ARHGEF40: variants seen among roughly 807,000 people sequenced by gnomAD.
ARHGEF40 encodes the protein Rho guanine nucleotide exchange factor (GEF) 40.
Under a neutral mutation model 165.9 loss-of-function variants are expected in ARHGEF40, and 98 were observed. The observed-to-expected ratio is 0.59, with a 90% CI of 0.50 to 0.70. The LOEUF (loss-of-function observed/expected upper bound fraction) is 0.70. Among genes scored for constraint, ARHGEF40 ranks in the 30% least tolerant of loss-of-function variants. The pLI, the probability that ARHGEF40 is intolerant of heterozygous loss-of-function variation, is 0.00. For missense variants in ARHGEF40, 1,815 were observed against 1,968.0 expected (o/e 0.92, Z 1.47); for synonymous variants, 792 against 814.3 (o/e 0.97, Z 0.47).
In ARHGEF40 at chr14:21,070,506, G is replaced by C; in HGVS notation, c.3+107G>C. The stretch of plus-strand genomic sequence containing the variant: ...CTCCCGAGCCTGCCTCGGACTGTTC[G>C]GCCCCTCTGGGACTCTCCTCCCTCC... On this transcript the variant is annotated intron_variant, in intron 1 of 23. Coordinates refer to ENST00000298694, the MANE Select transcript of ARHGEF40 (RefSeq NM_018071.5). The surrounding 1 kb of genome is among the most constrained non-coding windows in gnomAD (Gnocchi z 4.7). The C allele has an allele frequency of 7.7e-7, 1 of 1,296,100 alleles. No homozygotes were observed. 80.3% of individuals were successfully genotyped at this position (1,296,100 alleles called of 1,614,324 possible).
Position 21,075,623 on chromosome 14 carries a change from C to T in ARHGEF40, c.1619-22C>T. 1 of 1,614,048 alleles carries T rather than the reference C, an allele frequency of 6.2e-7. No individual in the cohort carries two copies. Among genetic ancestry groups the T allele is most frequent in the Middle Eastern group, 1.7e-4 (1 of 6,054 alleles). On this transcript the variant is annotated intron_variant, in intron 4 of 23. Coordinates refer to ENST00000298694, the MANE Select transcript of ARHGEF40 (RefSeq NM_018071.5). The surrounding 1 kb of genome is among the most constrained non-coding windows in gnomAD (Gnocchi z 4.5). ...CATGGACTGCTCCCAGCCAGGACAG[C>T]CTGGCCATTTTGTGTCTTCAGGAGG... is the stretch of plus-strand genomic sequence containing the variant.
upstream of ARHGEF40, among the ~76,000 whole-genome samples, chr14:21,069,849 G>T (rs1031571880): frequency 6.6e-6 from 1 of 152,232 alleles, no homozygotes; most frequent in African/African-American, 2.4e-5. Flanking sequence ...AGAGGATCCC[G>T]GGCGAGTTAG....
rs61750464 is a variant in ARHGEF40, at chr14:21,082,110, G to A, written c.3242G>A (p.Arg1081Gln). Residue 1081 changes from arginine (R) to glutamine (Q), a missense_variant, in exon 14 of 24, where the codon CGA becomes CAA. Physicochemically the swap from Arg to Gln is conservative, Grantham distance 43. Transcript: ENST00000298694. ...GGCACCCCCCGGATGGAGCGCAAGC[G>A]AAGCATCAGGTGAGATCCCAGCCCA... ...GVGTPRMERK[R>Q]SISAQQRLVS... is the part of the protein sequence containing the mutation. 3.6e-5 allele frequency: 57 copies of A among 1,563,556 alleles called. No homozygotes were observed. The highest frequency in any genetic ancestry group is 9.5e-5 in the Admixed American group (5 of 52,530).
chr14:21,076,803 GA>G lies in ARHGEF40; in HGVS notation c.1951del (p.Arg651GlufsTer12). On this transcript the variant is annotated frameshift_variant, in exon 8 of 24. Coordinates refer to ENST00000298694, the MANE Select transcript of ARHGEF40 (RefSeq NM_018071.5). LOFTEE classifies it high-confidence loss of function. ...CTGAGGTGCTGTCAGAGAATGATCT[GA>G]AAAGAGTGGCCAAGCCAGAGGAGCT... ...GAEVLSENDL[K>X]RVAKPEELQW... 6.2e-7 allele frequency: 1 copy of G among 1,614,102 alleles called. No individual in the cohort carries two copies. Among genetic ancestry groups the G allele is most frequent in the Non-Finnish European group, 8.5e-7 (1 of 1,180,026 alleles).
the ARHGEF40 span, among the ~76,000 whole-genome samples, chr14:21,063,111 C>T: frequency 1.1e-4 from 17 of 152,038 alleles, no homozygotes; most frequent in South Asian, 2.1e-4. Context: ...GGCTGGGCAA[C>T]GGAGCGAGAC....
rs1227084502 is a variant in ARHGEF40, at chr14:21,075,628, C to T, written c.1619-17C>T. 6.2e-7 allele frequency: 1 copy of T among 1,614,030 alleles called. No individual in the cohort carries two copies. Among genetic ancestry groups the T allele is most frequent in the South Asian group, 1.1e-5 (1 of 91,074 alleles). ...ACTGCTCCCAGCCAGGACAGCCTGG[C>T]CATTTTGTGTCTTCAGGAGGGGTGG... On this transcript the variant is annotated splice_polypyrimidine_tract_variant and intron_variant, in intron 4 of 23. Coordinates refer to ENST00000298694, the MANE Select transcript of ARHGEF40 (RefSeq NM_018071.5). This position sits in a 1 kb window ranked among gnomAD's most constrained non-coding sequence, Gnocchi z 4.5.
chr14:21,087,332 G>A lies in ARHGEF40; in HGVS notation c.4256G>A (p.Arg1419Gln), dbSNP rs141993702. ...CCACTCTCTGCAGCCGCCCGCACCC[G>A]GGCCTCCGTGGCCGTGTCATCCTTT... Reference protein sequence around the residue: ...ALLTGRAARTRASVAVSSFEH... With the variant: ...ALLTGRAARTQASVAVSSFEH... The change falls in exon 21 of 24, where the codon CGG becomes CAG. Residue 1419 changes from arginine (R) to glutamine (Q), a missense_variant. By Grantham distance (43) the Arg-to-Gln change is conservative. Coordinates refer to ENST00000298694, the MANE Select transcript of ARHGEF40 (RefSeq NM_018071.5). 9.7e-5 allele frequency: 156 copies of A among 1,603,394 alleles called. No individual in the cohort carries two copies. The highest frequency in any genetic ancestry group is 1.7e-4 in the Middle Eastern group (1 of 5,880).
In ARHGEF40 at chr14:21,087,325, C is replaced by T. The variant is rs779892227; in HGVS notation, c.4249C>T (p.Arg1417Cys). 20 of 1,605,862 alleles carry T rather than the reference C, an allele frequency of 1.2e-5. No homozygotes were observed. In the East Asian group the frequency reaches 1.3e-4, roughly 11 times the overall value. ...LSALLTGRAA[R>C]TRASVAVSSF... ...CCACTCCCCACTCTCTGCAGCCGCC[C>T]GCACCCGGGCCTCCGTGGCCGTGTC... The change falls in exon 21 of 24, where the codon CGC (arginine) becomes TGC (cysteine). Residue 1417 changes from arginine (R) to cysteine (C), a missense_variant. Transcript: ENST00000298694.
At position 21,072,943 on chromosome 14, in the gene ARHGEF40, T is replaced by C. The variant is rs1446076084; in HGVS notation, c.4-102T>C. 3 of 1,208,024 alleles carry C rather than the reference T, an allele frequency of 2.5e-6. No individual in the cohort carries two copies. The highest frequency in any genetic ancestry group is 2.4e-5 in the East Asian group (1 of 42,504). The allele number at this position is 1,208,024 out of a possible 1,614,324, so 74.8% of individuals were successfully genotyped here. A position where few individuals can be genotyped will look rare whatever the true frequency, so the allele number is the denominator to read the frequency against. ...CTCACTTTTTGCCCACATTGTACAATCGGGGCTTTGGAGAACACAGCCAAC... is the reference window on the plus strand; with the variant it reads ...CTCACTTTTTGCCCACATTGTACAACCGGGGCTTTGGAGAACACAGCCAAC... On this transcript the variant is annotated intron_variant, in intron 1 of 23. Transcript: ENST00000298694. This position sits in a 1 kb window ranked among gnomAD's most constrained non-coding sequence, Gnocchi z 4.1.
chr14:21,071,661 A>G (rs1392791795), intron 1 of ARHGEF40, among the ~76,000 whole-genome samples: 2 of 137,648 alleles, frequency 1.5e-5, no homozygotes, highest in Admixed American at 7.3e-5. Flanking sequence ...TCGCTCAGCC[A>G]TGAGCTCACC....
chr14:21,082,793 C>T, intron 15 of ARHGEF40, 38 bp from the exon 16 acceptor site: 1 of 1,597,960 alleles, frequency 6.3e-7, no homozygotes, highest in Non-Finnish European at 8.6e-7. Context: ...CTGCAGCGGC[C>T]TCACCGGGGA....
At chr14:21,088,174 A>G (rs910958552) in intron 22 of ARHGEF40, 76 bp downstream of exon 22, 1 of 1,503,832 alleles carries the variant, frequency 6.6e-7, no homozygotes, top group Non-Finnish European at 8.9e-7. Context: ...TGATCATTCA[A>G]CCCCAGGGGG....
At chr14:21,078,586 G>T in intron 10 of ARHGEF40, 98 bp downstream of exon 10, 1 of 1,235,246 alleles carries the variant, frequency 8.1e-7, no homozygotes, top group Non-Finnish European at 1.1e-6. Flanking sequence ...TTCTTACTGT[G>T]CATGTATCTG....
chr14:21,084,646 TGA>T, intron 17 of ARHGEF40, 105 bp from the exon 18 acceptor site: 1 of 1,274,294 alleles, frequency 7.8e-7, no homozygotes, highest in Non-Finnish European at 1.1e-6. Flanking sequence ...TGACTCTACC[TGA>T]GAACCAGTGC....
At chr14:21,077,563 C>T (rs1390072131) in intron 8 of ARHGEF40, among the ~76,000 whole-genome samples, 1 of 152,146 alleles carries the variant, frequency 6.6e-6, no homozygotes, top group Non-Finnish European at 1.5e-5. Context: ...TTCCAAATTA[C>T]TTTACCTCAC....
Position 21,071,795 on chromosome 14 carries a change from T to C in ARHGEF40, c.4-1250T>C, listed in dbSNP as rs768250204. On this transcript the variant is annotated intron_variant, in intron 1 of 23. Transcript: ENST00000298694. ...CCACCTTCCCCCCACCCACGCGCACTGCGTCCGCCTGGTCCCGGGAACACT... is the reference window on the plus strand; with the variant it reads ...CCACCTTCCCCCCACCCACGCGCACCGCGTCCGCCTGGTCCCGGGAACACT... Among the ~76,000 whole-genome samples the C allele has an allele frequency of 6.6e-5, 10 of 152,154 alleles. No individual in the cohort carries two copies. The South Asian group carries it at 1.2e-3, about 19-fold the overall frequency.
Position 21,075,808 on chromosome 14 carries a change from G to C in ARHGEF40, c.1739+43G>C, listed in dbSNP as rs1473674420. On this transcript the variant is annotated intron_variant, in intron 5 of 23. Coordinates refer to ENST00000298694, the MANE Select transcript of ARHGEF40 (RefSeq NM_018071.5). This position sits in a 1 kb window ranked among gnomAD's most constrained non-coding sequence, Gnocchi z 4.5. ...CTGGCACCCTGGACACTAACCTCCT[G>C]ATTCATGAGGACCCTCACCTCCTTC... 6.3e-7 allele frequency: 1 copy of C among 1,592,562 alleles called. No individual in the cohort carries two copies. The highest frequency in any genetic ancestry group is 1.7e-5 in the Admixed American group (1 of 58,838).
intron 7 of ARHGEF40, 45 bp from the exon 8 acceptor site, chr14:21,076,728 AG>A: frequency 6.2e-7 from 1 of 1,609,552 alleles, no homozygotes; most frequent in Non-Finnish European, 8.5e-7. Flanking sequence ...CTGGTTTCTG[AG>A]TCCTTGGGTG....
Position 21,078,159 on chromosome 14 carries a change from C to G in ARHGEF40, c.2035-18C>G. 1 of 1,603,338 alleles carries G rather than the reference C, an allele frequency of 6.2e-7. No individual in the cohort carries two copies. ...TTAAACTCTGATCCTCAACTCCATC[C>G]CTGCATGTGGGTTTCAGGAAGTGGT... On this transcript the variant is annotated intron_variant, in intron 8 of 23. Transcript: ENST00000298694.
Sources: allele counts gnomAD v4.1 joint callset (sites outside exome capture counted in the v4.1 genomes callset), GRCh38; gene constraint gnomAD v4.1.1; non-coding constraint Gnocchi (gnomAD v3.1); transcripts MANE v1.5; gene names NCBI Gene and HGNC (gene_info 2026-07-23, HGNC 2026-07-21).